LHFPL4: variants seen among roughly 807,000 people sequenced by gnomAD.
LHFPL4 encodes LHFPL tetraspan subfamily member 4.
In LHFPL4, 6 loss-of-function variants were observed where a neutral mutation model predicts 20.0. The observed-to-expected ratio is 0.30, with a 90% CI of 0.16 to 0.59. The LOEUF (loss-of-function observed/expected upper bound fraction) is 0.59. Among genes scored for constraint, LHFPL4 ranks in the 20% least tolerant of loss-of-function variants. The probability of loss-of-function intolerance (pLI) is 0.88; values close to 1 mark genes in which losing one functional copy is unlikely to be tolerated. For missense variants in LHFPL4, 215 were observed against 331.2 expected (o/e 0.65, Z 2.72); for synonymous variants, 129 against 143.8 (o/e 0.90, Z 0.74).
At chr3:9,526,494 C>T (rs771566329) in intron 2 of LHFPL4, among the ~76,000 whole-genome samples, 1 of 152,128 alleles carries the variant, frequency 6.6e-6, no homozygotes, top group Admixed American at 6.6e-5. Context: ...CAATTGTAGT[C>T]GGCTGTGGTC....
At position 9,504,600 on chromosome 3, in the gene LHFPL4, C is replaced by T. The variant is rs542836541; in HGVS notation, c.643+1367G>A. Among the ~76,000 whole-genome samples the T allele has an allele frequency of 1.2e-4, 18 of 152,118 alleles. No homozygotes were observed. The South Asian group carries it at 2.1e-3, about 18-fold the overall frequency. ...CAGCACTTTGGGAGGCCAAGGCAGG[C>T]GGATCACGAGGTCAGAAGATCGAGA... On this transcript the variant is annotated intron_variant, in intron 3 of 3. Coordinates refer to ENST00000287585, the MANE Select transcript of LHFPL4 (RefSeq NM_198560.3).
In LHFPL4 at chr3:9,500,558, A is replaced by C. The variant is rs1017144023; in HGVS notation, c.*1653T>G. 6.6e-6 allele frequency: 1 copy of C among 151,746 alleles called. No individual in the cohort carries two copies. The highest frequency in any genetic ancestry group is 2.4e-5 in the African/African-American group (1 of 41,274). The allele number at this position is 151,746 out of a possible 1,614,324, so 9.4% of individuals were successfully genotyped here. A position where few individuals can be genotyped will look rare whatever the true frequency, so the allele number is the denominator to read the frequency against. ...GGGACTTCTAGGGTCTTTCTTGGAAACCCTAACTCTCAGGTCCAAGTCCTG... is the reference window on the plus strand; with the variant it reads ...GGGACTTCTAGGGTCTTTCTTGGAACCCCTAACTCTCAGGTCCAAGTCCTG... On this transcript the variant is annotated 3_prime_UTR_variant, in exon 4 of 4. Coordinates refer to ENST00000287585, the MANE Select transcript of LHFPL4 (RefSeq NM_198560.3).
At chr3:9,524,921 AC>A (rs1213221211) in intron 2 of LHFPL4, among the ~76,000 whole-genome samples, 1 of 152,218 alleles carries the variant, frequency 6.6e-6, no homozygotes, top group Non-Finnish European at 1.5e-5. Flanking sequence ...CTATAGTCCT[AC>A]AAAGAGGTCT....
chr3:9,505,914 C>G (rs2046214745), intron 3 of LHFPL4, 53 bp downstream of exon 3: 2 of 1,518,762 alleles, frequency 1.3e-6, no homozygotes, highest in African/African-American at 1.4e-5. Context: ...TATCCTGCCT[C>G]CCAGGACCAG....
intron 2 of LHFPL4, among the ~76,000 whole-genome samples, chr3:9,549,557 C>T (rs373011314): frequency 2.0e-3 from 307 of 152,220 alleles, no homozygotes; most frequent in African/African-American, 7.1e-3. Context: ...ATTAGCCAGG[C>T]GTTGTGGCAG....
chr3:9,510,660 C>T (rs557448079), intron 2 of LHFPL4, among the ~76,000 whole-genome samples: 33 of 151,746 alleles, frequency 2.2e-4, no homozygotes, highest in Admixed American at 7.9e-4. Context: ...TTGAGTGGCC[C>T]GGCGCGATGG....
chr3:9,524,957 T>C (rs941012470), intron 2 of LHFPL4, among the ~76,000 whole-genome samples: 1 of 152,192 alleles, frequency 6.6e-6, no homozygotes. Context: ...GCCTTTGCCC[T>C]GGACTGTTAA....
intron 2 of LHFPL4, among the ~76,000 whole-genome samples, chr3:9,533,110 G>C (rs772740113): frequency 6.6e-6 from 1 of 152,188 alleles, no homozygotes; most frequent in Non-Finnish European, 1.5e-5. Context: ...ACTGGAAGGT[G>C]ATCCAGCACC....
Position 9,502,253 on chromosome 3 carries a change from C to T in LHFPL4, c.702G>A (p.Trp234Ter). 6.2e-7 allele frequency: 1 copy of T among 1,614,020 alleles called. No homozygotes were observed. The highest frequency in any genetic ancestry group is 8.5e-7 in the Non-Finnish European group (1 of 1,179,972). ...VLRPGGDVSG[W>*]GVLPCPVAHS... Reference sequence around the variant, plus strand: ...GAGCCACGGGGCAGGGAAGGACTCCCCATCCAGAGACATCACCCCCGGGCC... The same window carrying T: ...GAGCCACGGGGCAGGGAAGGACTCCTCATCCAGAGACATCACCCCCGGGCC... Residue 234 changes from tryptophan to a stop codon, truncating the protein, a stop_gained, in exon 4 of 4, where the codon TGG (tryptophan) becomes TGA (stop). Transcript: ENST00000287585. LOFTEE classifies it high-confidence loss of function.
Position 9,552,765 on chromosome 3 carries a change from G to T in LHFPL4, c.-86C>A. The T allele has an allele frequency of 1.2e-6, 1 of 809,614 alleles. No individual in the cohort carries two copies. The highest frequency in any genetic ancestry group is 1.5e-6 in the Non-Finnish European group (1 of 648,158). 50.2% of individuals were successfully genotyped at this position (809,614 alleles called of 1,614,324 possible). A position where few individuals can be genotyped will look rare whatever the true frequency, so the allele number is the denominator to read the frequency against. ...AGCGCCGGGCTGCCGGGCGGGAGCT[G>T]GGGACGCACGCGAGAAGCGGCCCTG... On this transcript the variant is annotated 5_prime_UTR_variant, in exon 2 of 4. Transcript: ENST00000287585.
At chr3:9,530,163 G>C (rs565941543) in intron 2 of LHFPL4, among the ~76,000 whole-genome samples, 1 of 152,254 alleles carries the variant, frequency 6.6e-6, no homozygotes, top group African/African-American at 2.4e-5. Context: ...GAGTCAGCCT[G>C]TCCTTCGAAG....
chr3:9,533,722 C>A (rs1012295955), intron 2 of LHFPL4, among the ~76,000 whole-genome samples: 4 of 152,016 alleles, frequency 2.6e-5, no homozygotes, highest in Non-Finnish European at 5.9e-5. Context: ...GCGGAGCTTG[C>A]AGTGAGCTGA....
intron 2 of LHFPL4, among the ~76,000 whole-genome samples, chr3:9,538,760 G>T (rs1173584614): frequency 6.6e-6 from 1 of 150,784 alleles, no homozygotes; most frequent in Non-Finnish European, 1.5e-5. Flanking sequence ...GTGCAATGGC[G>T]CAATCTTGGC....
intron 2 of LHFPL4, among the ~76,000 whole-genome samples, chr3:9,509,336 G>C (rs2046242253): frequency 6.8e-6 from 1 of 147,758 alleles, no homozygotes. Flanking sequence ...AGATCTTTCA[G>C]CACTTAACAT....
intron 3 of LHFPL4, among the ~76,000 whole-genome samples, chr3:9,504,658 C>T (rs1244399389): frequency 2.4e-4 from 36 of 151,970 alleles, no homozygotes; most frequent in African/African-American, 8.0e-4. Context: ...ACCCCATCTC[C>T]ACTAAAAATA....
chr3:9,510,281 G>A (rs902330974), intron 2 of LHFPL4, among the ~76,000 whole-genome samples: 140 of 151,630 alleles, frequency 9.2e-4, no homozygotes, highest in Non-Finnish European at 3.8e-4. Flanking sequence ...GTGAAAACAC[G>A]GTGAAAAGCA....
chr3:9,542,080 G>A (rs1021521495), intron 2 of LHFPL4, among the ~76,000 whole-genome samples: 3 of 152,016 alleles, frequency 2.0e-5, no homozygotes, highest in African/African-American at 7.3e-5. Flanking sequence ...GAGGTCGAGA[G>A]ATCGAGACCA....
chr3:9,523,182 G>A (rs1413608219), intron 2 of LHFPL4, among the ~76,000 whole-genome samples: 2 of 151,512 alleles, frequency 1.3e-5, no homozygotes, highest in Admixed American at 1.3e-4. Flanking sequence ...ACTTTGGGAG[G>A]CTGAGGCGGG....
At chr3:9,545,281 A>C (rs1159136683) in intron 2 of LHFPL4, among the ~76,000 whole-genome samples, 1 of 152,120 alleles carries the variant, frequency 6.6e-6, no homozygotes, top group East Asian at 1.9e-4. Context: ...GAGGGAGAGG[A>C]GGAGGGAAAG....
Sources: allele counts gnomAD v4.1 joint callset (sites outside exome capture counted in the v4.1 genomes callset), GRCh38; gene constraint gnomAD v4.1.1; transcripts MANE v1.5; gene names NCBI Gene and HGNC (gene_info 2026-07-23, HGNC 2026-07-21).